Variants in FOXO1 observed in about 807,000 individuals in gnomAD.
FOXO1 encodes the protein forkhead box O1.
FOXO1 carries 6 observed loss-of-function variants against 44.1 expected under a neutral mutation model. The observed-to-expected ratio is 0.14, with a 90% CI of 0.07 to 0.27. The LOEUF (loss-of-function observed/expected upper bound fraction) is 0.27, where lower values mean the gene tolerates loss of function less well. Ranked by LOEUF, FOXO1 falls within the 10% of genes least tolerant of loss-of-function variation. The pLI is 1.00. For synonymous variants in FOXO1, 380 were observed against 362.7 expected (o/e 1.05, Z -0.54); for missense variants, 737 against 888.8 (o/e 0.83, Z 2.17).
intron 1 of FOXO1, among the ~76,000 whole-genome samples, chr13:40,633,118 A>C (rs1379995272): frequency 1.3e-5 from 2 of 152,232 alleles, no homozygotes; most frequent in Non-Finnish European, 2.9e-5. Flanking sequence ...AGTGTCATCA[A>C]GGTTGTAGAG....
chr13:40,587,736 C>T (rs74044536), intron 1 of FOXO1, among the ~76,000 whole-genome samples: 4,594 of 152,218 alleles, frequency 0.03, 200 homozygotes, highest in African/African-American at 0.1. Flanking sequence ...GCATTTCTAC[C>T]GAATGGTCTG....
At chr13:40,645,675 G>A (rs1877485141) in intron 1 of FOXO1, among the ~76,000 whole-genome samples, 1 of 152,092 alleles carries the variant, frequency 6.6e-6, no homozygotes, top group African/African-American at 2.4e-5. Flanking sequence ...TTAAATGAGG[G>A]GGCCGAAAAT....
chr13:40,564,938 G>GATGGGGGAGTCGGGGAACCCCGAC (rs1189485959), intron 1 of FOXO1, among the ~76,000 whole-genome samples: 1 of 118,488 alleles, frequency 8.4e-6, no homozygotes, highest in South Asian at 2.8e-4. Context: ...GAGCTCCACA[G>GATGGGGGAGTCGGGGAACCCCGAC]ATGGGGGAGT....
chr13:40,583,650 C>T (rs1263766314), intron 1 of FOXO1, among the ~76,000 whole-genome samples: 5 of 152,352 alleles, frequency 3.3e-5, no homozygotes, highest in Admixed American at 2.0e-4. Flanking sequence ...AGCTTCCTCA[C>T]CTCCCTCAAC....
chr13:40,583,944 C>G lies in FOXO1; in HGVS notation c.631-23084G>C, dbSNP rs551535640. Among the ~76,000 whole-genome samples the G allele has an allele frequency of 2.6e-5, 4 of 152,258 alleles. No homozygotes were observed. The East Asian group carries it at 7.7e-4, about 29-fold the overall frequency. On this transcript the variant is annotated intron_variant, in intron 1 of 2. Transcript: ENST00000379561. ...CCTCACTAAGCTGAATCATTTCTAG[C>G]CTTTGATTTACAGTGAGTGAGATCA...
intron 1 of FOXO1, among the ~76,000 whole-genome samples, chr13:40,627,478 C>T (rs1353947468): frequency 6.6e-6 from 1 of 152,110 alleles, no homozygotes; most frequent in Non-Finnish European, 1.5e-5. Context: ...GTCCTTGCTA[C>T]TAAGGAGATT....
At chr13:40,648,016 T>C (rs1877564141) in intron 1 of FOXO1, among the ~76,000 whole-genome samples, 1 of 152,210 alleles carries the variant, frequency 6.6e-6, no homozygotes, top group South Asian at 2.1e-4. Context: ...TAGCTGAGGA[T>C]GCTCTATAAG....
chr13:40,559,818 A>G lies in FOXO1; in HGVS notation c.1673T>C (p.Val558Ala). Residue 558 changes from valine (V) to alanine (A), a missense_variant, in exon 2 of 3, where the codon GTG becomes GCG. Coordinates refer to ENST00000379561, the MANE Select transcript of FOXO1 (RefSeq NM_002015.4). ...HTSGMNRLTQ[V>A]KTPVQVPLPH... ...CAGAGGCACTTGTACAGGTGTCTTC[A>G]CTTGGGTCAGGCGGTTCATACCCGA... The G allele has an allele frequency of 5.6e-6, 9 of 1,614,008 alleles. No individual in the cohort carries two copies. Among genetic ancestry groups the G allele is most frequent in the Non-Finnish European group, 7.6e-6 (9 of 1,179,972 alleles).
intron 1 of FOXO1, among the ~76,000 whole-genome samples, chr13:40,570,108 T>C (rs1361342938): frequency 1.3e-4 from 19 of 151,986 alleles, no homozygotes; most frequent in Non-Finnish European, 1.5e-5. Flanking sequence ...GGTGAAGAGA[T>C]GGAGACCATC....
intron 1 of FOXO1, chr13:40,618,596 A>G: frequency 3.2e-6 from 1 of 309,272 alleles, no homozygotes; most frequent in Admixed American, 4.2e-5. Flanking sequence ...TAAAACTAAG[A>G]ACCCTGAAGA....
chr13:40,618,804 T>C (rs1349592615), intron 1 of FOXO1: 7 of 523,884 alleles, frequency 1.3e-5, no homozygotes, highest in South Asian at 5.6e-5. Context: ...CCGTAATCAT[T>C]TGTGAAAATG....
intron 1 of FOXO1, among the ~76,000 whole-genome samples, chr13:40,663,405 A>G (rs1878097699): frequency 6.6e-6 from 1 of 152,236 alleles, no homozygotes. Flanking sequence ...AATATCCCAA[A>G]ACACTTCCTT....
chr13:40,633,449 T>C (rs1438850745), intron 1 of FOXO1, among the ~76,000 whole-genome samples: 2 of 152,174 alleles, frequency 1.3e-5, no homozygotes, highest in Non-Finnish European at 2.9e-5. Context: ...TAAAAAGGAA[T>C]GATACTGATA....
chr13:40,664,179 A>C (rs975085846), intron 1 of FOXO1, among the ~76,000 whole-genome samples: 2 of 152,206 alleles, frequency 1.3e-5, no homozygotes, highest in Admixed American at 6.5e-5. Flanking sequence ...AGGCTGAGAC[A>C]GGAGAATCGC....
intron 1 of FOXO1, among the ~76,000 whole-genome samples, chr13:40,644,443 G>A (rs1638738475): frequency 6.6e-6 from 1 of 152,086 alleles, no homozygotes; most frequent in African/African-American, 2.4e-5. Flanking sequence ...AAGTAGGGTG[G>A]GAGAATGAAA....
At chr13:40,573,965 G>A (rs376104261) in intron 1 of FOXO1, among the ~76,000 whole-genome samples, 8 of 152,178 alleles carry the variant, frequency 5.3e-5, no homozygotes, top group Non-Finnish European at 7.4e-5. Context: ...AATAATTTGC[G>A]ATGGTACACC....
In FOXO1 at chr13:40,635,614, G is replaced by T. The variant is rs764201275; in HGVS notation, c.630+29969C>A. ...TATTTTCATTACCACGAGTCTGGAAGAGTATTTTTACAGAGGAAAATTGAG... is the reference window on the plus strand; with the variant it reads ...TATTTTCATTACCACGAGTCTGGAATAGTATTTTTACAGAGGAAAATTGAG... On this transcript the variant is annotated intron_variant, in intron 1 of 2. Transcript: ENST00000379561. 1.1e-4 allele frequency among the ~76,000 whole-genome samples: 17 copies of T among 152,348 alleles called. 2 individuals are homozygous for T. The highest frequency in any genetic ancestry group is 1.0e-3 in the South Asian group (5 of 4,826).
intron 1 of FOXO1, among the ~76,000 whole-genome samples, chr13:40,625,730 G>A (rs1358453402): frequency 6.6e-6 from 1 of 151,844 alleles, no homozygotes; most frequent in African/African-American, 2.4e-5. Context: ...TTTACATAAG[G>A]CAATAAGCAC....
rs987610401 is a variant in FOXO1, at chr13:40,666,383, C to A, written c.-171G>T. 4.0e-5 allele frequency: 20 copies of A among 499,430 alleles called. No individual in the cohort carries two copies. Among genetic ancestry groups the A allele is most frequent in the Non-Finnish European group, 6.4e-5 (19 of 296,506 alleles). The allele number at this position is 499,430 out of a possible 1,614,324, so 30.9% of individuals were successfully genotyped here. A position where few individuals can be genotyped will look rare whatever the true frequency, so the allele number is the denominator to read the frequency against. On this transcript the variant is annotated 5_prime_UTR_variant, in exon 1 of 3. Transcript: ENST00000379561. Reference sequence around the variant, plus strand: ...AGGCGCGGCGGAGTGGAAGCGCGAGCCCAGAACTTAACTTCGCGGGGCCAT... The same window carrying A: ...AGGCGCGGCGGAGTGGAAGCGCGAGACCAGAACTTAACTTCGCGGGGCCAT...
Sources: gnomAD v4.1 joint callset for allele counts (sites outside exome capture counted in the v4.1 genomes callset) on GRCh38, gnomAD v4.1.1 for gene constraint, MANE v1.5 for transcripts, NCBI Gene and HGNC (gene_info 2026-07-23, HGNC 2026-07-21) for gene names.